Variants in ARHGAP15 observed in about 807,000 individuals in gnomAD.
The protein encoded by ARHGAP15 is Rho GTPase activating protein 15.
Under a neutral mutation model 63.7 loss-of-function variants are expected in ARHGAP15, and 51 were observed. The observed-to-expected ratio is 0.80, with a 90% confidence interval of 0.64 to 1.01. The LOEUF (loss-of-function observed/expected upper bound fraction) is 1.01, where lower values mean the gene tolerates loss of function less well. Ranked by LOEUF, ARHGAP15 falls within the 50% of genes least tolerant of loss-of-function variation. The pLI, the probability that ARHGAP15 is intolerant of heterozygous loss-of-function variation, is 0.00. For synonymous variants in ARHGAP15, 191 were observed against 193.8 expected, an observed-to-expected ratio of 0.99 and a Z score of 0.12; for missense variants, 560 against 564.6, an observed-to-expected ratio of 0.99 and a Z score of 0.08.
intron 6 of ARHGAP15, among the ~76,000 whole-genome samples, chr2:143,308,269 T>C (rs1160208755): frequency 6.6e-6 from 1 of 152,108 alleles, no homozygotes; most frequent in Non-Finnish European, 1.5e-5. Context: ...TCTCATACTC[T>C]ATTAAACATT....
chr2:143,524,312 T>A (rs987507864), intron 10 of ARHGAP15, among the ~76,000 whole-genome samples: 1 of 152,196 alleles, frequency 6.6e-6, no homozygotes, highest in Non-Finnish European at 1.5e-5. Flanking sequence ...CCCTCATTGC[T>A]TGTGTGATCA....
At chr2:143,171,276 C>T (rs1365401133) in intron 2 of ARHGAP15, among the ~76,000 whole-genome samples, 2 of 152,092 alleles carry the variant, frequency 1.3e-5, no homozygotes, top group Admixed American at 6.6e-5. Flanking sequence ...TTATGATGTG[C>T]AAACCCACCA....
chr2:143,732,914 T>TG (rs1685598943), intron 13 of ARHGAP15, among the ~76,000 whole-genome samples: 1 of 148,488 alleles, frequency 6.7e-6, no homozygotes, highest in African/African-American at 2.5e-5. Flanking sequence ...TTTTGGGTTT[T>TG]TTTTTTTTTT....
At chr2:143,395,181 C>T (rs1371022177) in intron 6 of ARHGAP15, among the ~76,000 whole-genome samples, 2 of 152,012 alleles carry the variant, frequency 1.3e-5, no homozygotes, top group Non-Finnish European at 2.9e-5. Context: ...ACAGTCATTA[C>T]TATATAAGAA....
At chr2:143,654,359 C>T (rs113200173) in intron 12 of ARHGAP15, among the ~76,000 whole-genome samples, 2 of 152,168 alleles carry the variant, frequency 1.3e-5, no homozygotes, top group African/African-American at 4.8e-5. Context: ...TCAGTGAGGT[C>T]ACTATAACTT....
At chr2:143,199,802 A>G (rs1314859915) in intron 2 of ARHGAP15, among the ~76,000 whole-genome samples, 7 of 152,046 alleles carry the variant, frequency 4.6e-5, no homozygotes, top group East Asian at 1.9e-4. Context: ...CACCTCCCCA[A>G]TGGACACAGC....
At chr2:143,228,340 A>C (rs150174354) in intron 4 of ARHGAP15, among the ~76,000 whole-genome samples, 9 of 152,268 alleles carry the variant, frequency 5.9e-5, no homozygotes, top group African/African-American at 2.2e-4. Flanking sequence ...AAAAGATATT[A>C]GGAGGATCTA....
chr2:143,387,912 C>CAT (rs963367842), intron 6 of ARHGAP15, among the ~76,000 whole-genome samples: 4 of 148,956 alleles, frequency 2.7e-5, no homozygotes, highest in African/African-American at 1.0e-4. Flanking sequence ...CATGCCTGCA[C>CAT]ACACACACAC....
rs1426321131 is a variant in ARHGAP15, at chr2:143,436,973, A to C, written c.634A>C (p.Ser212Arg). ...LELFKIQRSS[S>R]TELLSHYDSD... ...ATTATTCAAAATCCAAAGATCCTCTAGCACTGAATTGCTAAGTCACTACGA... is the reference window on the plus strand; with the variant it reads ...ATTATTCAAAATCCAAAGATCCTCTCGCACTGAATTGCTAAGTCACTACGA... The change falls in exon 8 of 14, where the codon AGC (serine) becomes CGC (arginine). Residue 212 changes from serine to arginine, a missense_variant. Physicochemically the swap from Ser to Arg is moderately radical, Grantham distance 110. Transcript: ENST00000295095. The C allele has an allele frequency of 6.2e-7, 1 of 1,611,478 alleles. No individual in the cohort carries two copies. Among genetic ancestry groups the C allele is most frequent in the Non-Finnish European group, 8.5e-7 (1 of 1,179,188 alleles).
At chr2:143,594,727 G>T (rs1047354074) in intron 11 of ARHGAP15, among the ~76,000 whole-genome samples, 1 of 152,216 alleles carries the variant, frequency 6.6e-6, no homozygotes, top group Non-Finnish European at 1.5e-5. Context: ...TTTCCCTATG[G>T]AACATGACAC....
chr2:143,412,109 G>A (rs952865457), intron 6 of ARHGAP15, among the ~76,000 whole-genome samples: 2 of 152,136 alleles, frequency 1.3e-5, no homozygotes, highest in Admixed American at 1.3e-4. Flanking sequence ...GAAGTGACAT[G>A]ATTCTGTTTA....
chr2:143,189,366 C>T (rs1691586477), intron 2 of ARHGAP15, among the ~76,000 whole-genome samples: 3 of 152,030 alleles, frequency 2.0e-5, no homozygotes, highest in South Asian at 2.1e-4. Context: ...AGGCTCATAT[C>T]GTAAAATTTG....
chr2:143,506,788 G>A (rs933768488), intron 9 of ARHGAP15, among the ~76,000 whole-genome samples: 2 of 152,028 alleles, frequency 1.3e-5, no homozygotes, highest in African/African-American at 2.4e-5. Context: ...GATAGAAATC[G>A]GTTTCTTGGA....
intron 6 of ARHGAP15, among the ~76,000 whole-genome samples, chr2:143,333,020 G>T (rs1684616032): frequency 6.7e-6 from 1 of 148,676 alleles, no homozygotes; most frequent in Non-Finnish European, 1.5e-5. Context: ...GCAGATGCAA[G>T]TTGGCATCGT....
chr2:143,509,804 C>T (rs1204069979), intron 9 of ARHGAP15, among the ~76,000 whole-genome samples: 1 of 152,024 alleles, frequency 6.6e-6, no homozygotes, highest in Non-Finnish European at 1.5e-5. Context: ...AGGCGGATCA[C>T]GAGCTCGGGA....
intron 10 of ARHGAP15, among the ~76,000 whole-genome samples, chr2:143,550,297 T>C (rs1695498056): frequency 6.6e-6 from 1 of 152,118 alleles, no homozygotes; most frequent in South Asian, 2.1e-4. Flanking sequence ...AAATAAATAC[T>C]CAAGTCAACA....
At chr2:143,133,644 G>T (rs897620456) in intron 1 of ARHGAP15, among the ~76,000 whole-genome samples, 3 of 152,106 alleles carry the variant, frequency 2.0e-5, no homozygotes, top group East Asian at 1.9e-4. Context: ...CCTTTTGTTT[G>T]TTTTGTTTGC....
At chr2:143,361,645 A>G (rs1367304208) in intron 6 of ARHGAP15, among the ~76,000 whole-genome samples, 1 of 152,118 alleles carries the variant, frequency 6.6e-6, no homozygotes, top group Non-Finnish European at 1.5e-5. Context: ...CATCTTTACT[A>G]TTTATGACCT....
Position 143,519,271 on chromosome 2 carries a change from A to G in ARHGAP15, c.832A>G (p.Ile278Val), listed in dbSNP as rs777623739. 1.2e-6 allele frequency: 2 copies of G among 1,612,312 alleles called. No homozygotes were observed. The highest frequency in any genetic ancestry group is 1.7e-6 in the Non-Finnish European group (2 of 1,178,666). ...CATCTTTGTTTCTTTTGCAGATCAA[A>G]TTTTTGGCTCTCATCTGCACAAAGT... ...LQEKGLIKDQ[I>V]FGSHLHKVCE... is the part of the protein sequence containing the mutation. The change falls in exon 10 of 14, where the codon ATT (isoleucine) becomes GTT (valine). Residue 278 changes from isoleucine to valine, a missense_variant. Coordinates refer to ENST00000295095, the MANE Select transcript of ARHGAP15 (RefSeq NM_018460.4).
Sources: gnomAD v4.1 joint callset for allele counts (sites outside exome capture counted in the v4.1 genomes callset) on GRCh38, gnomAD v4.1.1 for gene constraint, MANE v1.5 for transcripts, NCBI Gene and HGNC (gene_info 2026-07-23, HGNC 2026-07-21) for gene names.